The following LOXL1 variants were observed in gnomAD, a reference collection of about 807,000 sequenced individuals.
The protein encoded by LOXL1 is lysyl oxidase homolog 1.
Under a neutral mutation model 62.2 loss-of-function variants are expected in LOXL1, and 31 were observed. That is an observed-to-expected ratio of 0.50 (90% CI 0.37 to 0.67). LOXL1 has a LOEUF of 0.67. Ranked by LOEUF, LOXL1 falls within the 30% of genes least tolerant of loss-of-function variation. The pLI is 0.00. For missense variants in LOXL1, 775 were observed against 843.4 expected (o/e 0.92, Z 1.00); for synonymous variants, 403 against 384.4 (o/e 1.05, Z -0.56).
rs1340725924 is a variant in LOXL1, at chr15:73,945,304, G to A, written c.1212-1113G>A. On this transcript the variant is annotated intron_variant, in intron 2 of 6. Coordinates refer to ENST00000261921, the MANE Select transcript of LOXL1 (RefSeq NM_005576.4). The surrounding 1 kb of genome is among the most constrained non-coding windows in gnomAD (Gnocchi z 4.3). The stretch of plus-strand genomic sequence containing the variant: ...ATCAGGGAGAGGTGGTCTGGACCCA[G>A]TGCAAGATGTAGATGGTATCGGGCT... Among the ~76,000 whole-genome samples, 3 of 152,198 alleles carry A rather than the reference G, an allele frequency of 2.0e-5. No homozygotes were observed. The highest frequency in any genetic ancestry group is 6.5e-5 in the Admixed American group (1 of 15,288).
intron 2 of LOXL1, among the ~76,000 whole-genome samples, chr15:73,944,906 T>C (rs1477974745): frequency 1.3e-5 from 2 of 152,128 alleles, no homozygotes; most frequent in Non-Finnish European, 2.9e-5. Flanking sequence ...AGACATTCTC[T>C]CAAAGAGAGC....
chr15:73,927,686 T>C lies in LOXL1; in HGVS notation c.903T>C (p.His301=), dbSNP rs751194373. The change falls in exon 1 of 7, where the codon CAT becomes CAC. Residue 301 remains histidine, a synonymous_variant. Transcript: ENST00000261921. Reference sequence around the variant, plus strand: ...CCGGTCCCGAGGCGGCGCAGGCCCATGGCGGAGACCCACGCCTGGGCTGGT... The same window carrying C: ...CCGGTCCCGAGGCGGCGCAGGCCCACGGCGGAGACCCACGCCTGGGCTGGT... ...PDPGPEAAQA[H]GGDPRLGWYP... is the part of the protein sequence containing the mutation. The C allele has an allele frequency of 8.8e-6, 13 of 1,484,174 alleles. No individual in the cohort carries two copies. In the South Asian group the frequency reaches 1.0e-4, roughly 12 times the overall value. The allele number at this position is 1,484,174 out of a possible 1,614,324, so 91.9% of individuals were successfully genotyped here.
intron 1 of LOXL1, among the ~76,000 whole-genome samples, chr15:73,934,644 A>G (rs2141625388): frequency 6.6e-6 from 1 of 152,340 alleles, no homozygotes; most frequent in East Asian, 1.9e-4. Flanking sequence ...TTATTGAGCG[A>G]CTTACTGTAT....
chr15:73,950,672 G>A (rs1023246907), intron 6 of LOXL1, among the ~76,000 whole-genome samples: 1 of 149,494 alleles, frequency 6.7e-6, no homozygotes. Context: ...CAGGCTCAGG[G>A]CTCAGTGTGT....
chr15:73,937,607 G>A (rs948654592), intron 1 of LOXL1, among the ~76,000 whole-genome samples: 7 of 152,242 alleles, frequency 4.6e-5, no homozygotes, highest in Admixed American at 6.5e-5. Context: ...CTCAGGCCCC[G>A]AGTCAGGTGG....
chr15:73,950,557 G>T (rs548898177), intron 6 of LOXL1, among the ~76,000 whole-genome samples: 1 of 152,026 alleles, frequency 6.6e-6, no homozygotes, highest in Non-Finnish European at 1.5e-5. Flanking sequence ...TCAAGGCTCA[G>T]TGTGTGACCA....
At chr15:73,947,423 G>A in intron 4 of LOXL1, 200 bp downstream of exon 4, 1 of 544,340 alleles carries the variant, frequency 1.8e-6, no homozygotes, top group Non-Finnish European at 3.2e-6. Context: ...CCTTTCCCAT[G>A]TTATTCCAGG....
In LOXL1 at chr15:73,945,605, A is replaced by G. The variant is rs138095921; in HGVS notation, c.1212-812A>G. Reference sequence around the variant, plus strand: ...AAAGTGAAGAGGCTTTGACCAGAGGACTTCACGTCTGTTTTTCAGGCCCAC... The same window carrying G: ...AAAGTGAAGAGGCTTTGACCAGAGGGCTTCACGTCTGTTTTTCAGGCCCAC... On this transcript the variant is annotated intron_variant, in intron 2 of 6. Transcript: ENST00000261921. The surrounding 1 kb of genome is among the most constrained non-coding windows in gnomAD (Gnocchi z 4.3). Among the ~76,000 whole-genome samples, 14 of 152,224 alleles carry G rather than the reference A, an allele frequency of 9.2e-5. No individual in the cohort carries two copies. Among genetic ancestry groups the G allele is most frequent in the Admixed American group, 2.0e-4 (3 of 15,292 alleles).
intron 3 of LOXL1, 150 bp from the exon 4 acceptor site, chr15:73,946,916 AC>A (rs1354912629): frequency 2.4e-6 from 2 of 838,684 alleles, no homozygotes; most frequent in African/African-American, 3.4e-5. Flanking sequence ...CAGAGGGGCC[AC>A]CCCGCAGTAC....
chr15:73,935,411 A>G (rs936476422), intron 1 of LOXL1, among the ~76,000 whole-genome samples: 15 of 152,198 alleles, frequency 9.9e-5, no homozygotes, highest in African/African-American at 2.4e-4. Flanking sequence ...GAAGGATGCA[A>G]TTGCCTTGAG....
At chr15:73,934,456 A>G (rs2068656337) in intron 1 of LOXL1, among the ~76,000 whole-genome samples, 1 of 152,198 alleles carries the variant, frequency 6.6e-6, no homozygotes. Context: ...TGTCTTTGCC[A>G]GCTCTCAGCA....
At chr15:73,947,754 G>A (rs985648422) in intron 4 of LOXL1, 53 bp from the exon 5 acceptor site, 2 of 1,289,388 alleles carry the variant, frequency 1.6e-6, no homozygotes, top group Non-Finnish European at 2.2e-6. Flanking sequence ...TGGGCGTGGG[G>A]TGGCTCTGGG....
intron 6 of LOXL1, 38 bp from the exon 7 acceptor site, chr15:73,951,793 T>G (rs770789686): frequency 2.0e-5 from 31 of 1,522,394 alleles, no homozygotes; most frequent in Admixed American, 4.0e-5. Flanking sequence ...GGGCCTACTT[T>G]GCAGCCCCTC....
At chr15:73,943,034 T>C in intron 2 of LOXL1, 72 bp downstream of exon 2, 1 of 1,208,340 alleles carries the variant, frequency 8.3e-7, no homozygotes, top group Non-Finnish European at 1.2e-6. Flanking sequence ...AGCCTAGCTG[T>C]GGCTGCCAGC....
Position 73,945,611 on chromosome 15 carries a change from C to A in LOXL1, c.1212-806C>A, listed in dbSNP as rs942298596. Among the ~76,000 whole-genome samples, 1 of 152,120 alleles carries A rather than the reference C, an allele frequency of 6.6e-6. No homozygotes were observed. The highest frequency in any genetic ancestry group is 1.9e-4 in the East Asian group (1 of 5,206). On this transcript the variant is annotated intron_variant, in intron 2 of 6. Transcript: ENST00000261921. This position sits in a 1 kb window ranked among gnomAD's most constrained non-coding sequence, Gnocchi z 4.3. ...AAGAGGCTTTGACCAGAGGACTTCACGTCTGTTTTTCAGGCCCACACCCAA... is the reference window on the plus strand; with the variant it reads ...AAGAGGCTTTGACCAGAGGACTTCAAGTCTGTTTTTCAGGCCCACACCCAA...
rs114579286 is a variant in LOXL1 at position 73,948,028 on chromosome 15, T to C, written c.1602+126T>C. On this transcript the variant is annotated intron_variant, in intron 5 of 6. Transcript: ENST00000261921. ...CCCCAGCTGCCGAGCAGAGGCAGCA[T>C]CTGAGGCATCACTTGAGGTTTAGGC... 1.2e-3 allele frequency: 739 copies of C among 628,272 alleles called. 2 individuals are homozygous for C. In the African/African-American group the frequency reaches 0.012, roughly 10 times the overall value. The allele number at this position is 628,272 out of a possible 1,614,324, so 38.9% of individuals were successfully genotyped here.
chr15:73,945,405 G>A lies in LOXL1; in HGVS notation c.1212-1012G>A, dbSNP rs140325595. 4.3e-4 allele frequency among the ~76,000 whole-genome samples: 65 copies of A among 152,322 alleles called. No homozygotes were observed. In the East Asian group the frequency reaches 0.011, roughly 25 times the overall value. On this transcript the variant is annotated intron_variant, in intron 2 of 6. Coordinates refer to ENST00000261921, the MANE Select transcript of LOXL1 (RefSeq NM_005576.4). This position sits in a 1 kb window ranked among gnomAD's most constrained non-coding sequence, Gnocchi z 4.3. Reference sequence around the variant, plus strand: ...TAGAGCAATCAGGGCAGACTTCCTGGAGGAGGGGACTTTTGAGTTGACCCT... The same window carrying A: ...TAGAGCAATCAGGGCAGACTTCCTGAAGGAGGGGACTTTTGAGTTGACCCT...
chr15:73,927,051 G>C lies in LOXL1; in HGVS notation c.268G>C (p.Gly90Arg), dbSNP rs1366027271. Residue 90 changes from glycine (G) to arginine (R), a missense_variant, in exon 1 of 7, where the codon GGG becomes CGG. Gly to Arg is a moderately radical substitution (Grantham distance 125, BLOSUM62 -2). Coordinates refer to ENST00000261921, the MANE Select transcript of LOXL1 (RefSeq NM_005576.4). Reference protein sequence around the residue: ...APQAQQRRSHGSPRRRQAPSL... With the variant: ...APQAQQRRSHRSPRRRQAPSL... Reference sequence around the variant, plus strand: ...CCAGGCCCAGCAGCGGCGCAGCCACGGGAGCCCCCGGCGTCGGCAGGCGCC... The same window carrying C: ...CCAGGCCCAGCAGCGGCGCAGCCACCGGAGCCCCCGGCGTCGGCAGGCGCC... 2 of 1,323,304 alleles carry C rather than the reference G, an allele frequency of 1.5e-6. No homozygotes were observed. Among genetic ancestry groups the C allele is most frequent in the South Asian group, 2.2e-5 (1 of 46,042 alleles). 82.0% of individuals were successfully genotyped at this position (1,323,304 alleles called of 1,614,324 possible). A position where few individuals can be genotyped will look rare whatever the true frequency, so the allele number is the denominator to read the frequency against.
chr15:73,942,782 C>A, intron 1 of LOXL1, 72 bp from the exon 2 acceptor site: 3 of 916,326 alleles, frequency 3.3e-6, no homozygotes, highest in Admixed American at 1.7e-5. Flanking sequence ...TGGGCATTAG[C>A]AGTGGCCAAC....
Sources: gnomAD v4.1 joint callset for allele counts (sites outside exome capture counted in the v4.1 genomes callset) on GRCh38, gnomAD v4.1.1 for gene constraint, Gnocchi (gnomAD v3.1) non-coding constraint, MANE v1.5 for transcripts, NCBI Gene and HGNC (gene_info 2026-07-23, HGNC 2026-07-21) for gene names.